Variants in GPSM1 observed in about 807,000 individuals in gnomAD.
GPSM1 encodes the protein G protein signaling modulator 1, also known as G protein-signaling modulator 1.
GPSM1 carries 48 observed loss-of-function variants against 70.5 expected under a neutral mutation model. The observed-to-expected ratio is 0.68, with a 90% confidence interval of 0.54 to 0.87. GPSM1 has a LOEUF of 0.87. GPSM1 is among the 40% of genes least tolerant of loss of function. The probability of loss-of-function intolerance (pLI) is 0.00; values close to 1 mark genes in which losing one functional copy is unlikely to be tolerated. For missense variants in GPSM1, 981 were observed against 972.6 expected, an observed-to-expected ratio of 1.01 and a Z score of -0.11; for synonymous variants, 416 against 430.1, an observed-to-expected ratio of 0.97 and a Z score of 0.41.
chr9:136,328,005 G>C (rs886829504), intron 1 of GPSM1, among the ~76,000 whole-genome samples: 1 of 151,954 alleles, frequency 6.6e-6, no homozygotes, highest in African/African-American at 2.4e-5. Context: ...TGGAGGCGGG[G>C]TGGGCAGCTT....
In GPSM1 at chr9:136,327,753, C is replaced by A; in HGVS notation, c.58C>A (p.Leu20Ile). 1 of 1,190,336 alleles carries A rather than the reference C, an allele frequency of 8.4e-7. No individual in the cohort carries two copies. The highest frequency in any genetic ancestry group is 1.0e-6 in the Non-Finnish European group (1 of 960,476). The allele number at this position is 1,190,336 out of a possible 1,614,324, so 73.7% of individuals were successfully genotyped here. A position where few individuals can be genotyped will look rare whatever the true frequency, so the allele number is the denominator to read the frequency against. The change falls in exon 1 of 14, where the codon CTC becomes ATC. Residue 20 changes from leucine to isoleucine, a missense_variant. Physicochemically the swap from Leu to Ile is conservative, Grantham distance 5. Coordinates refer to ENST00000440944, the MANE Select transcript of GPSM1 (RefSeq NM_001145638.3). ...DELPGPAARR[L>I]YSRMEASCLE... ...GCTCCCGGGCCCGGCCGCCAGGCGC[C>A]TCTACTCCAGGTAGGACGGGCCGGG...
Position 136,356,675 on chromosome 9 carries a change from C to G in GPSM1, c.1821+125C>G, listed in dbSNP as rs1832838835. On this transcript the variant is annotated intron_variant, in intron 13 of 13. Coordinates refer to ENST00000440944, the MANE Select transcript of GPSM1 (RefSeq NM_001145638.3). ...GCCATCTCCGGTCATGTTTGAGGGA[C>G]TCCTGGGGGACTCAGCCAGTGTCAC... 2.0e-5 allele frequency: 14 copies of G among 686,998 alleles called. No homozygotes were observed. The South Asian group carries it at 2.7e-4, about 13-fold the overall frequency. 42.6% of individuals were successfully genotyped at this position (686,998 alleles called of 1,614,324 possible).
intron 1 of GPSM1, among the ~76,000 whole-genome samples, chr9:136,332,443 C>T (rs1362666680): frequency 6.6e-6 from 1 of 152,262 alleles, no homozygotes; most frequent in Non-Finnish European, 1.5e-5. Context: ...CGGGAGGTGG[C>T]TCCCATCATC....
chr9:136,336,284 C>A (rs1213757995), intron 3 of GPSM1, among the ~76,000 whole-genome samples, 183 bp downstream of exon 3: 4 of 152,090 alleles, frequency 2.6e-5, no homozygotes, highest in Non-Finnish European at 4.4e-5. Context: ...CAGGCCCCCC[C>A]AGCCCATGCT....
Position 136,341,361 on chromosome 9 carries a change from G to A in GPSM1, c.1207+368G>A. 7.1e-7 allele frequency: 1 copy of A among 1,418,324 alleles called. No homozygotes were observed. The highest frequency in any genetic ancestry group is 9.1e-7 in the Non-Finnish European group (1 of 1,095,184). The allele number at this position is 1,418,324 out of a possible 1,614,324, so 87.9% of individuals were successfully genotyped here. On this transcript the variant is annotated intron_variant, in intron 9 of 13. Transcript: ENST00000440944. This position sits in a 1 kb window ranked among gnomAD's most constrained non-coding sequence, Gnocchi z 6.7. The stretch of plus-strand genomic sequence containing the variant: ...GCTGCTGGGAGGCGAGAGGGCATCA[G>A]CCAGAGGGCTGGGCTGGGCTGGGCT...
At chr9:136,348,810 A>G (rs1554771652) in intron 10 of GPSM1, 43 bp downstream of exon 10, 3 of 1,458,506 alleles carry the variant, frequency 2.1e-6, no homozygotes, top group South Asian at 2.3e-5. Flanking sequence ...AGCCGCTGCC[A>G]GAGCATGGGC....
intron 1 of GPSM1, among the ~76,000 whole-genome samples, chr9:136,328,350 A>G (rs1050567476): frequency 2.0e-5 from 3 of 152,142 alleles, no homozygotes; most frequent in Non-Finnish European, 4.4e-5. Flanking sequence ...GTGACTCCCA[A>G]TGTCCCCCCA....
chr9:136,341,337 C>A lies in GPSM1; in HGVS notation c.1207+344C>A. 1 of 1,436,730 alleles carries A rather than the reference C, an allele frequency of 7.0e-7. No homozygotes were observed. Among genetic ancestry groups the A allele is most frequent in the African/African-American group, 1.4e-5 (1 of 69,232 alleles). 89.0% of individuals were successfully genotyped at this position (1,436,730 alleles called of 1,614,324 possible). On this transcript the variant is annotated intron_variant, in intron 9 of 13. Coordinates refer to ENST00000440944, the MANE Select transcript of GPSM1 (RefSeq NM_001145638.3). This position sits in a 1 kb window ranked among gnomAD's most constrained non-coding sequence, Gnocchi z 6.7. Reference sequence around the variant, plus strand: ...GTCCTCAGACCCAAGTAGGAGAGGGCTGCTGGGAGGCGAGAGGGCATCAGC... The same window carrying A: ...GTCCTCAGACCCAAGTAGGAGAGGGATGCTGGGAGGCGAGAGGGCATCAGC...
At chr9:136,327,867 G>A in intron 1 of GPSM1, 104 bp downstream of exon 1, 1 of 351,568 alleles carries the variant, frequency 2.8e-6, no homozygotes, top group Non-Finnish European at 4.5e-6. Context: ...GCTCTCGCGG[G>A]CGCGCAGCGT....
chr9:136,341,161 G>A lies in GPSM1; in HGVS notation c.1207+168G>A, dbSNP rs1406231413. 3 of 1,549,794 alleles carry A rather than the reference G, an allele frequency of 1.9e-6. No homozygotes were observed. The African/African-American group carries it at 4.1e-5, about 21-fold the overall frequency. Reference sequence around the variant, plus strand: ...GGCCTCAGGGACAGCACAGGCCTGAGGTTCACCCTGAGCCCTTCCCACCCG... The same window carrying A: ...GGCCTCAGGGACAGCACAGGCCTGAAGTTCACCCTGAGCCCTTCCCACCCG... On this transcript the variant is annotated intron_variant, in intron 9 of 13. Transcript: ENST00000440944. The surrounding 1 kb of genome is among the most constrained non-coding windows in gnomAD (Gnocchi z 6.7).
chr9:136,338,223 C>T (rs532647621), intron 6 of GPSM1, among the ~76,000 whole-genome samples: 56 of 152,342 alleles, frequency 3.7e-4, no homozygotes, highest in Middle Eastern at 3.4e-3. Context: ...GGGTGGAGCC[C>T]GGCTGTCAGC....
At chr9:136,355,946 C>T (rs1312481616) in intron 12 of GPSM1, 100 bp downstream of exon 12, 5 of 952,622 alleles carry the variant, frequency 5.2e-6, no homozygotes, top group Non-Finnish European at 1.5e-6. Context: ...CGGGGGCAGA[C>T]CAGCAGGCCA....
rs142859130 is a variant in GPSM1, at chr9:136,338,869, T to C, written c.974+159T>C. On this transcript the variant is annotated intron_variant, in intron 7 of 13. Coordinates refer to ENST00000440944, the MANE Select transcript of GPSM1 (RefSeq NM_001145638.3). ...ACTGTGGGGACTGAGCCAGACAGTGTGGACATTGGGCCGGCCACTGACCCC... is the reference window on the plus strand; with the variant it reads ...ACTGTGGGGACTGAGCCAGACAGTGCGGACATTGGGCCGGCCACTGACCCC... Among the ~76,000 whole-genome samples, 948 of 152,284 alleles carry C rather than the reference T, an allele frequency of 6.2e-3. 7 individuals carry two copies. The highest frequency in any genetic ancestry group is 0.02 in the African/African-American group (823 of 41,552).
chr9:136,328,669 A>G (rs1471136670), intron 1 of GPSM1, among the ~76,000 whole-genome samples: 3 of 152,166 alleles, frequency 2.0e-5, no homozygotes, highest in African/African-American at 4.8e-5. Context: ...GAAATGAGGT[A>G]CTGGTGGCGG....
chr9:136,331,368 C>G (rs1457412059), intron 1 of GPSM1, among the ~76,000 whole-genome samples: 1 of 151,070 alleles, frequency 6.6e-6, no homozygotes, highest in African/African-American at 2.4e-5. Context: ...CTCTGAGCCC[C>G]CCCCCCCCGC....
chr9:136,349,461 C>A, intron 10 of GPSM1, 126 bp from the exon 11 acceptor site: 1 of 836,816 alleles, frequency 1.2e-6, no homozygotes, highest in Non-Finnish European at 1.8e-6. Context: ...CTCCTCCTCT[C>A]TGGGTACTGG....
At chr9:136,344,291 C>T (rs1832468447) in intron 9 of GPSM1, among the ~76,000 whole-genome samples, 4 of 152,128 alleles carry the variant, frequency 2.6e-5, no homozygotes, top group African/African-American at 9.7e-5. Context: ...AAGCAGGCTG[C>T]AGCACCTTTG....
intron 7 of GPSM1, 135 bp downstream of exon 7, chr9:136,338,845 CTG>C: frequency 1.1e-6 from 1 of 911,374 alleles, no homozygotes; most frequent in Non-Finnish European, 1.6e-6. Context: ...GGCAACGCCA[CTG>C]TGGGGACTGA....
chr9:136,332,839 C>CAAAAAAAA (rs150554566), intron 1 of GPSM1, among the ~76,000 whole-genome samples: 4 of 66,072 alleles, frequency 6.1e-5, no homozygotes, highest in African/African-American at 2.6e-4. Flanking sequence ...CCATCTCTAC[C>CAAAAAAAA]AAAAAAAAAA....
Sources: allele counts gnomAD v4.1 joint callset (sites outside exome capture counted in the v4.1 genomes callset), GRCh38; gene constraint gnomAD v4.1.1; non-coding constraint Gnocchi (gnomAD v3.1); transcripts MANE v1.5; gene names NCBI Gene and HGNC (gene_info 2026-07-23, HGNC 2026-07-21).